MLLT3: variants seen among roughly 807,000 people sequenced by gnomAD.
The protein encoded by MLLT3 is protein AF-9.
Under a neutral mutation model 53.2 loss-of-function variants are expected in MLLT3, and 4 were observed. That is an observed-to-expected ratio of 0.08 (90% confidence interval 0.04 to 0.17). MLLT3 has a LOEUF of 0.17. MLLT3 is among the 10% of genes least tolerant of loss of function. MLLT3 has a pLI of 1.00. For synonymous variants in MLLT3, 283 were observed against 230.6 expected (o/e 1.23, Z -2.06); for missense variants, 569 against 684.0 (o/e 0.83, Z 1.87).
intron 4 of MLLT3, among the ~76,000 whole-genome samples, chr9:20,421,618 A>G (rs531926996): frequency 2.0e-5 from 3 of 152,334 alleles, no homozygotes; most frequent in African/African-American, 7.2e-5. Context: ...TAGTGTTCCA[A>G]TCCTAAGGAG....
intron 2 of MLLT3, among the ~76,000 whole-genome samples, chr9:20,473,079 G>A (rs962592049): frequency 5.3e-5 from 8 of 152,056 alleles, no homozygotes; most frequent in African/African-American, 1.4e-4. Flanking sequence ...GGGGTAGTCC[G>A]TAGCAATCTG....
intron 2 of MLLT3, among the ~76,000 whole-genome samples, chr9:20,480,432 A>C (rs1824632408): frequency 6.6e-6 from 1 of 152,184 alleles, no homozygotes; most frequent in Non-Finnish European, 1.5e-5. Flanking sequence ...AAACAGATCC[A>C]CTTGAATAAT....
At chr9:20,505,385 A>G (rs1825357569) in intron 2 of MLLT3, among the ~76,000 whole-genome samples, 1 of 152,200 alleles carries the variant, frequency 6.6e-6, no homozygotes, top group African/African-American at 2.4e-5. Context: ...GCTAAATTAT[A>G]AACTTTTTTT....
Position 20,597,205 on chromosome 9 carries a change from A to T in MLLT3, c.193+23449T>A, listed in dbSNP as rs990271500. Among the ~76,000 whole-genome samples, 6 of 152,102 alleles carry T rather than the reference A, an allele frequency of 3.9e-5. No homozygotes were observed. The East Asian group carries it at 1.2e-3, about 29-fold the overall frequency. On this transcript the variant is annotated intron_variant, in intron 2 of 10. Coordinates refer to ENST00000380338, the MANE Select transcript of MLLT3 (RefSeq NM_004529.4). ...GGTAGTACCTCAATTCATAGGGATC[A>T]TTAGACTAATAAGGTAATTATTGGA...
intron 2 of MLLT3, among the ~76,000 whole-genome samples, chr9:20,574,645 C>G (rs1292091324): frequency 6.6e-6 from 1 of 152,172 alleles, no homozygotes; most frequent in Non-Finnish European, 1.5e-5. Context: ...TCTGCCACAT[C>G]CATCCCCTCA....
intron 2 of MLLT3, among the ~76,000 whole-genome samples, chr9:20,583,884 T>C (rs1819875219): frequency 6.6e-6 from 1 of 152,206 alleles, no homozygotes; most frequent in Non-Finnish European, 1.5e-5. Context: ...CCCATGGTCT[T>C]GGGGATTAAC....
intron 2 of MLLT3, among the ~76,000 whole-genome samples, chr9:20,592,050 T>C (rs1285483084): frequency 6.6e-6 from 1 of 152,182 alleles, no homozygotes; most frequent in Non-Finnish European, 1.5e-5. Context: ...TATATTATCA[T>C]ATTTTCATTC....
chr9:20,349,322 A>G (rs1179403380), intron 10 of MLLT3, among the ~76,000 whole-genome samples: 2 of 152,180 alleles, frequency 1.3e-5, no homozygotes, highest in African/African-American at 4.8e-5. Flanking sequence ...GCTTCTTATA[A>G]ATGGTAAATT....
intron 5 of MLLT3, among the ~76,000 whole-genome samples, chr9:20,390,126 A>G (rs146678440): frequency 2.6e-5 from 4 of 152,344 alleles, no homozygotes; most frequent in African/African-American, 9.6e-5. Context: ...AAGATAAAAT[A>G]TGAAACATTA....
At chr9:20,388,540 A>G (rs1437257730) in intron 5 of MLLT3, among the ~76,000 whole-genome samples, 2 of 152,226 alleles carry the variant, frequency 1.3e-5, no homozygotes, top group African/African-American at 4.8e-5. Context: ...GTGAGCCGAG[A>G]TCGTGCCACT....
chr9:20,349,930 G>A (rs545688586), intron 10 of MLLT3, among the ~76,000 whole-genome samples: 2 of 152,360 alleles, frequency 1.3e-5, no homozygotes, highest in South Asian at 2.1e-4. Context: ...AGTAGTAGCA[G>A]TGGCAGCAGC....
chr9:20,456,666 A>T lies in MLLT3; in HGVS notation c.276+38T>A, dbSNP rs559830561. 2.9e-6 allele frequency: 4 copies of T among 1,366,502 alleles called. No homozygotes were observed. In the African/African-American group the frequency reaches 5.7e-5, roughly 20 times the overall value. The allele number at this position is 1,366,502 out of a possible 1,614,324, so 84.6% of individuals were successfully genotyped here. On this transcript the variant is annotated intron_variant, in intron 3 of 10. Coordinates refer to ENST00000380338, the MANE Select transcript of MLLT3 (RefSeq NM_004529.4). ...TTAAACATCATTTGGCTAATGGTGG[A>T]TCGTCTACTGAAAGATTAATGGGTA...
intron 2 of MLLT3, among the ~76,000 whole-genome samples, chr9:20,617,033 ATTATACT>A (rs1483115644): frequency 6.6e-6 from 1 of 152,176 alleles, no homozygotes; most frequent in African/African-American, 2.4e-5. Context: ...GCCTTGGAAA[ATTATACT>A]TTATGTGCTT....
intron 2 of MLLT3, among the ~76,000 whole-genome samples, chr9:20,586,925 G>A (rs564699850): frequency 6.6e-6 from 1 of 151,822 alleles, no homozygotes; most frequent in Admixed American, 6.6e-5. Context: ...TTTTAAAAAT[G>A]AAATGAAACC....
intron 2 of MLLT3, among the ~76,000 whole-genome samples, chr9:20,486,805 C>G (rs1370035744): frequency 1.3e-5 from 2 of 152,110 alleles, no homozygotes; most frequent in Non-Finnish European, 2.9e-5. Flanking sequence ...CTCACTCTTT[C>G]AGTGGATGTC....
At chr9:20,554,508 C>T (rs920228445) in intron 2 of MLLT3, among the ~76,000 whole-genome samples, 1 of 152,126 alleles carries the variant, frequency 6.6e-6, no homozygotes, top group Non-Finnish European at 1.5e-5. Context: ...AATGTTACAA[C>T]AGTCCATATA....
intron 2 of MLLT3, among the ~76,000 whole-genome samples, chr9:20,464,802 G>A (rs535806853): frequency 1.3e-5 from 2 of 152,174 alleles, no homozygotes; most frequent in South Asian, 2.1e-4. Flanking sequence ...ATTTCTTCCT[G>A]TATAACTGAG....
chr9:20,457,433 G>C (rs1016463351), intron 2 of MLLT3, among the ~76,000 whole-genome samples: 1 of 151,604 alleles, frequency 6.6e-6, no homozygotes, highest in African/African-American at 2.4e-5. Context: ...ATTTTTAGTA[G>C]AGATGGGGTT....
At chr9:20,455,263 A>C (rs1374718012) in intron 3 of MLLT3, among the ~76,000 whole-genome samples, 3 of 152,344 alleles carry the variant, frequency 2.0e-5, no homozygotes, top group East Asian at 3.9e-4. Context: ...GAAGGCACAG[A>C]AATTAGGAGC....
Sources: allele counts gnomAD v4.1 joint callset (sites outside exome capture counted in the v4.1 genomes callset), GRCh38; gene constraint gnomAD v4.1.1; transcripts MANE v1.5; gene names NCBI Gene and HGNC (gene_info 2026-07-23, HGNC 2026-07-21).